Variants in DHX37 observed in about 807,000 individuals in gnomAD.
DHX37 encodes DEAH-box helicase 37, also known as probable ATP-dependent RNA helicase DHX37.
Under a neutral mutation model 134.3 loss-of-function variants are expected in DHX37, and 52 were observed. The ratio of observed to expected loss-of-function variants is 0.39; its 90% CI spans 0.31 to 0.49. The LOEUF (loss-of-function observed/expected upper bound fraction) is 0.49, where lower values mean the gene tolerates loss of function less well. Among genes scored for constraint, DHX37 ranks in the 20% least tolerant of loss-of-function variants. DHX37 has a pLI of 0.93. For missense variants in DHX37, 1,344 were observed against 1,580.8 expected, an observed-to-expected ratio of 0.85 and a Z score of 2.54; for synonymous variants, 634 against 670.7, an observed-to-expected ratio of 0.95 and a Z score of 0.85.
chr12:124,982,387 C>G, intron 3 of DHX37, 124 bp downstream of exon 3: 1 of 1,299,952 alleles, frequency 7.7e-7, no homozygotes, highest in Non-Finnish European at 1.0e-6. Context: ...GAATTTTCAG[C>G]CACTCAGGCC....
At position 124,956,890 on chromosome 12, in the gene DHX37, A is replaced by T. The variant is rs202027405; in HGVS notation, c.2265-11T>A. On this transcript the variant is annotated splice_polypyrimidine_tract_variant and intron_variant, in intron 17 of 26. Transcript: ENST00000308736. ...TGCAGTTGCTTCACCCTGGAGATGG[A>T]GGTGGTGGTGGCAGTGCTCTGAGAG... 6.1e-5 allele frequency: 97 copies of T among 1,578,226 alleles called. No individual in the cohort carries two copies. In the South Asian group the frequency reaches 7.9e-4, roughly 13 times the overall value.
chr12:124,961,264 A>ACACGCGTGCACGCACACACACACT (rs529082353), intron 15 of DHX37, among the ~76,000 whole-genome samples: 1 of 125,128 alleles, frequency 8.0e-6, no homozygotes, highest in Admixed American at 7.2e-5. Context: ...ACGCACACAC[A>ACACGCGTGCACGCACACACACACT]TACACGCGTG....
chr12:124,987,606 C>A (rs999762337), intron 1 of DHX37, among the ~76,000 whole-genome samples: 4 of 152,206 alleles, frequency 2.6e-5, no homozygotes, highest in African/African-American at 9.7e-5. Context: ...CTGGGACACA[C>A]CCCACCTCTG....
At chr12:124,950,861 A>G (rs1425778202) in intron 21 of DHX37, 57 bp from the exon 22 acceptor site, 9 of 1,514,530 alleles carry the variant, frequency 5.9e-6, no homozygotes, top group South Asian at 3.9e-5. Flanking sequence ...GGGGCTCCGC[A>G]TACTTTCAAC....
chr12:124,961,255 C>T (rs1166681608), intron 15 of DHX37, among the ~76,000 whole-genome samples: 2 of 116,318 alleles, frequency 1.7e-5, no homozygotes, highest in African/African-American at 5.0e-5. Flanking sequence ...CGTGCACGCA[C>T]GCACACACAT....
chr12:124,971,533 A>T, intron 7 of DHX37, 118 bp from the exon 8 acceptor site: 1 of 1,464,968 alleles, frequency 6.8e-7, no homozygotes, highest in Non-Finnish European at 9.2e-7. Flanking sequence ...GCTCTTCATC[A>T]GAGGTGAGCT....
Position 124,980,318 on chromosome 12 carries a change from G to A in DHX37, c.738+172C>T, listed in dbSNP as rs547633531. ...CCCGCCCTGCACTGTGATCCTCCTC[G>A]CGCACCAATCCCTGCCACAGCCTCA... On this transcript the variant is annotated intron_variant, in intron 4 of 26. Transcript: ENST00000308736. The surrounding 1 kb of genome is among the most constrained non-coding windows in gnomAD (Gnocchi z 5.3). Among the ~76,000 whole-genome samples the A allele has an allele frequency of 3.9e-5, 6 of 152,336 alleles. No homozygotes were observed. In the East Asian group the frequency reaches 5.8e-4, roughly 15 times the overall value.
rs759137467 is a variant in DHX37, at chr12:124,966,885, G to A, written c.1505-7C>T. On this transcript the variant is annotated splice_polypyrimidine_tract_variant and splice_region_variant and intron_variant, in intron 11 of 26. Transcript: ENST00000308736. ...TTCTGATCGTCGTCCTTTTCTGGGA[G>A]AGGGGCAGGTTGGGGAGAAAGGCGT... The A allele has an allele frequency of 2.5e-6, 4 of 1,614,258 alleles. No homozygotes were observed. The Admixed American group carries it at 6.7e-5, about 27-fold the overall frequency.
Position 124,954,102 on chromosome 12 carries a change from G to A in DHX37, c.2563C>T (p.Leu855Phe). The change falls in exon 19 of 27, where the codon CTC becomes TTC. Residue 855 changes from leucine (L) to phenylalanine (F), a missense_variant. This residue lies in a region of DHX37 where 558 missense variants were observed against 650.0 expected (regional missense o/e 0.86). Coordinates refer to ENST00000308736, the MANE Select transcript of DHX37 (RefSeq NM_032656.4). ...GQGASLKLGD[L>F]MVLLGAVGAC... ...GGGCACAAACCCAGCAGCACCATGA[G>A]GTCGCCGAGCTTCAGAGAAGCCCCC... is the stretch of plus-strand genomic sequence containing the variant. 3.1e-6 allele frequency: 5 copies of A among 1,609,728 alleles called. No homozygotes were observed. The highest frequency in any genetic ancestry group is 4.2e-6 in the Non-Finnish European group (5 of 1,177,646).
At chr12:124,950,583 C>T (rs555181449) in intron 22 of DHX37, 33 bp from the exon 23 acceptor site, 149 of 1,546,826 alleles carry the variant, frequency 9.6e-5, no homozygotes, top group Non-Finnish European at 9.8e-5. Context: ...GGGGTTACAG[C>T]GGCACCCTCC....
Position 124,966,788 on chromosome 12 carries a change from CGTA to C in DHX37, c.1590+2_1590+4del. 1 of 1,614,254 alleles carries C rather than the reference CGTA, an allele frequency of 6.2e-7. No homozygotes were observed. Among genetic ancestry groups the C allele is most frequent in the Non-Finnish European group, 8.5e-7 (1 of 1,180,024 alleles). On this transcript the variant is annotated splice_donor_variant and splice_donor_region_variant and intron_variant, in intron 12 of 26. Transcript: ENST00000308736. LOFTEE classifies it high-confidence loss of function. ...TCCAGGAGTCCCTGCCAGCCCCCCA[CGTA>C]CCTCAGCCCGCGCCTTCTTGGCCCT...
intron 2 of DHX37, among the ~76,000 whole-genome samples, chr12:124,984,201 T>C (rs992168835): frequency 3.3e-5 from 5 of 151,992 alleles, no homozygotes; most frequent in Admixed American, 2.0e-4. Flanking sequence ...CAAATACTAA[T>C]GTACAAAAAG....
chr12:124,957,255 T>A, intron 16 of DHX37, 120 bp from the exon 17 acceptor site: 1 of 925,844 alleles, frequency 1.1e-6, no homozygotes, highest in Non-Finnish European at 1.5e-6. Context: ...CTCATGCCAG[T>A]GGGGACACAG....
In DHX37 at chr12:124,949,772, G is replaced by T. The variant is rs1267999795; in HGVS notation, c.3290+214C>A. Among the ~76,000 whole-genome samples the T allele has an allele frequency of 6.6e-6, 1 of 152,144 alleles. No homozygotes were observed. Among genetic ancestry groups the T allele is most frequent in the African/African-American group, 2.4e-5 (1 of 41,436 alleles). Reference sequence around the variant, plus strand: ...AGATGGAGGCAGAGACTGGAGTGATGTGGCCACAAGCCCAGGAGGCCGACA... The same window carrying T: ...AGATGGAGGCAGAGACTGGAGTGATTTGGCCACAAGCCCAGGAGGCCGACA... On this transcript the variant is annotated intron_variant, in intron 25 of 26. Transcript: ENST00000308736. This position sits in a 1 kb window ranked among gnomAD's most constrained non-coding sequence, Gnocchi z 4.0.
intron 5 of DHX37, among the ~76,000 whole-genome samples, chr12:124,976,770 C>T (rs758268562): frequency 6.8e-6 from 1 of 146,948 alleles, no homozygotes; most frequent in Non-Finnish European, 1.5e-5. Flanking sequence ...GCGCAGCTTG[C>T]AGTGAGCCGA....
Position 124,965,805 on chromosome 12 carries a change from G to C in DHX37, c.1598C>G (p.Pro533Arg). The change falls in exon 13 of 27, where the codon CCC (proline) becomes CGC (arginine). Residue 533 changes from proline (P) to arginine (R), a missense_variant. This residue lies in a region of DHX37 where 289 missense variants were observed against 323.8 expected (regional missense o/e 0.89). Transcript: ENST00000308736. ...CGAGTAATGATCCAAGTTGATCTGG[G>C]GCAGCACCTACGGCGAACAAGACAT... ...RAKKARAEVL[P>R]QINLDHYSVL... 6.2e-7 allele frequency: 1 copy of C among 1,613,470 alleles called. No homozygotes were observed. The highest frequency in any genetic ancestry group is 1.1e-5 in the South Asian group (1 of 90,918).
At chr12:124,969,130 T>G (rs1954465468) in intron 8 of DHX37, among the ~76,000 whole-genome samples, 162 bp from the exon 9 acceptor site, 2 of 152,100 alleles carry the variant, frequency 1.3e-5, no homozygotes. Flanking sequence ...GAGTCAATAG[T>G]GGGACCTGCC....
At chr12:124,952,748 G>GC (rs1454676376) in intron 20 of DHX37, 178 bp from the exon 21 acceptor site, 6 of 482,318 alleles carry the variant, frequency 1.2e-5, no homozygotes, top group Non-Finnish European at 1.7e-5. Context: ...GATTGCAGCC[G>GC]CCCCCCCATT....
rs762098824 is a variant in DHX37 at position 124,980,621 on chromosome 12, G to C, written c.607C>G (p.Pro203Ala). 70 of 1,609,200 alleles carry C rather than the reference G, an allele frequency of 4.3e-5. 1 individual carries two copies. In the East Asian group the frequency reaches 1.5e-3, roughly 34 times the overall value. ...GTTVAPLPPA[P>A]APSSQPVPAG... Reference sequence around the variant, plus strand: ...GGCACGGGCTGACTGCTGGGTGCTGGAGCTGGCGGCAGAGGTGCCACGGTG... The same window carrying C: ...GGCACGGGCTGACTGCTGGGTGCTGCAGCTGGCGGCAGAGGTGCCACGGTG... Residue 203 changes from proline (P) to alanine (A), a missense_variant, in exon 4 of 27, where the codon CCA (proline) becomes GCA (alanine). This residue lies in a region of DHX37 where 319 missense variants were observed against 296.1 expected (regional missense o/e 1.08). Transcript: ENST00000308736. The surrounding 1 kb of genome is among the most constrained non-coding windows in gnomAD (Gnocchi z 5.3).
Sources: gnomAD v4.1 joint callset for allele counts (sites outside exome capture counted in the v4.1 genomes callset) on GRCh38, gnomAD v4.1.1 for gene constraint, gnomAD v4.1.1 regional missense constraint, Gnocchi (gnomAD v3.1) non-coding constraint, MANE v1.5 for transcripts, NCBI Gene and HGNC (gene_info 2026-07-23, HGNC 2026-07-21) for gene names.